PITPNC1: variants seen among roughly 807,000 people sequenced by gnomAD.
PITPNC1 encodes phosphatidylinositol transfer protein cytoplasmic 1.
In PITPNC1, 18 loss-of-function variants were observed where a neutral mutation model predicts 44.7. The observed-to-expected ratio is 0.40, with a 90% CI of 0.28 to 0.60. The LOEUF is 0.60. Among genes scored for constraint, PITPNC1 ranks in the 20% least tolerant of loss-of-function variants. The pLI, the probability that PITPNC1 is intolerant of heterozygous loss-of-function variation, is 0.39. For missense variants in PITPNC1, 290 were observed against 418.4 expected (o/e 0.69, Z 2.68); for synonymous variants, 141 against 149.6 (o/e 0.94, Z 0.42).
At chr17:67,438,606 G>T (rs997240305) in intron 1 of PITPNC1, among the ~76,000 whole-genome samples, 1 of 152,206 alleles carries the variant, frequency 6.6e-6, no homozygotes, top group East Asian at 1.9e-4. Flanking sequence ...GTGAGCCACC[G>T]TGCCCAGCTG....
intron 1 of PITPNC1, among the ~76,000 whole-genome samples, chr17:67,528,676 A>G (rs2040421521): frequency 6.6e-6 from 1 of 152,214 alleles, no homozygotes; most frequent in Admixed American, 6.5e-5. Flanking sequence ...GGCTGCCTTC[A>G]CCACGTTCTG....
chr17:67,618,360 G>A (rs1429689111), intron 5 of PITPNC1, among the ~76,000 whole-genome samples: 23 of 49,988 alleles, frequency 4.6e-4, no homozygotes, highest in African/African-American at 1.7e-3. Flanking sequence ...GCGAGACTCC[G>A]TCTCAAAAAA....
chr17:67,589,284 A>C, intron 5 of PITPNC1, among the ~76,000 whole-genome samples: 1 of 152,232 alleles, frequency 6.6e-6, no homozygotes, highest in East Asian at 1.9e-4. Flanking sequence ...TCAGAGGTAT[A>C]GTGACAACAC....
intron 7 of PITPNC1, among the ~76,000 whole-genome samples, chr17:67,670,753 A>G (rs1348623303): frequency 1.3e-5 from 2 of 149,966 alleles, no homozygotes; most frequent in Non-Finnish European, 3.0e-5. Flanking sequence ...TCCATCTCAA[A>G]AAAAAAAAAA....
chr17:67,520,483 A>G (rs2040310981), intron 1 of PITPNC1, among the ~76,000 whole-genome samples: 1 of 152,180 alleles, frequency 6.6e-6, no homozygotes, highest in Non-Finnish European at 1.5e-5. Context: ...TTCCTGGCAA[A>G]TCGTTTGAGA....
chr17:67,533,710 A>C (rs1022533190), intron 2 of PITPNC1, among the ~76,000 whole-genome samples: 1 of 152,230 alleles, frequency 6.6e-6, no homozygotes, highest in Admixed American at 6.5e-5. Context: ...ACCTGTGACC[A>C]AAGTGGTTAA....
intron 4 of PITPNC1, among the ~76,000 whole-genome samples, chr17:67,567,695 C>G (rs1407556906): frequency 6.6e-6 from 1 of 151,964 alleles, no homozygotes; most frequent in Admixed American, 6.6e-5. Flanking sequence ...GAAAACATGG[C>G]CGGGCGCAGT....
At chr17:67,673,639 C>A (rs977320897) in intron 7 of PITPNC1, among the ~76,000 whole-genome samples, 2 of 152,036 alleles carry the variant, frequency 1.3e-5, no homozygotes, top group Non-Finnish European at 2.9e-5. Context: ...TTGTATCTCA[C>A]ACATTCATTT....
intron 4 of PITPNC1, among the ~76,000 whole-genome samples, chr17:67,574,840 G>A (rs2041116711): frequency 6.6e-6 from 1 of 152,072 alleles, no homozygotes. Context: ...GACCCGCTTG[G>A]AGTTACCAGG....
intron 1 of PITPNC1, among the ~76,000 whole-genome samples, chr17:67,393,938 CT>C (rs1171876998): frequency 6.6e-6 from 1 of 152,002 alleles, no homozygotes; most frequent in Non-Finnish European, 1.5e-5. Flanking sequence ...GTAACATTTT[CT>C]TTTTTCTTCT....
At position 67,512,220 on chromosome 17, in the gene PITPNC1, C is replaced by T. The variant is rs115595400; in HGVS notation, c.49-20582C>T. On this transcript the variant is annotated intron_variant, in intron 1 of 8. Coordinates refer to ENST00000581322, the MANE Select transcript of PITPNC1 (RefSeq NM_012417.4). The stretch of plus-strand genomic sequence containing the variant: ...TCAAATGAAAACCGGATTTGGGGGC[C>T]GGGTGCAGTGGCTCACGCCTGTAAT... Among the ~76,000 whole-genome samples the T allele has an allele frequency of 8.9e-3, 1,353 of 152,216 alleles. 16 individuals carry two copies. Among genetic ancestry groups the T allele is most frequent in the African/African-American group, 0.031 (1,285 of 41,548 alleles).
chr17:67,509,745 C>T (rs1232653870), intron 1 of PITPNC1, among the ~76,000 whole-genome samples: 3 of 152,000 alleles, frequency 2.0e-5, no homozygotes, highest in Non-Finnish European at 4.4e-5. Flanking sequence ...GGAACATTCC[C>T]ACATACTTGG....
At chr17:67,588,163 C>T (rs2041346758) in intron 5 of PITPNC1, among the ~76,000 whole-genome samples, 1 of 152,078 alleles carries the variant, frequency 6.6e-6, no homozygotes, top group African/African-American at 2.4e-5. Flanking sequence ...GCCACCACAC[C>T]CAGCTAATGT....
Position 67,643,495 on chromosome 17 carries a change from G to A in PITPNC1, c.462+11257G>A, listed in dbSNP as rs59899947. 8.1e-3 allele frequency among the ~76,000 whole-genome samples: 1,231 copies of A among 152,330 alleles called. 21 individuals carry two copies. The highest frequency in any genetic ancestry group is 0.029 in the African/African-American group (1,193 of 41,574). On this transcript the variant is annotated intron_variant, in intron 6 of 8. Coordinates refer to ENST00000581322, the MANE Select transcript of PITPNC1 (RefSeq NM_012417.4). ...CATCCAAGCAAAACATTCATGGAAG[G>A]GAGAAACAGTTGGGCTTTTCATAGA... is the stretch of plus-strand genomic sequence containing the variant.
chr17:67,447,364 T>A, intron 1 of PITPNC1, among the ~76,000 whole-genome samples: 1 of 151,894 alleles, frequency 6.6e-6, no homozygotes, highest in Non-Finnish European at 1.5e-5. Flanking sequence ...GCAGTGGTTC[T>A]CCTGTCCAGC....
At chr17:67,661,316 T>C (rs2042344062) in intron 6 of PITPNC1, among the ~76,000 whole-genome samples, 1 of 152,116 alleles carries the variant, frequency 6.6e-6, no homozygotes, top group Non-Finnish European at 1.5e-5. Flanking sequence ...CAGACTCACT[T>C]ACTCCCTTCA....
chr17:67,495,369 G>A (rs936189382), intron 1 of PITPNC1, among the ~76,000 whole-genome samples: 1 of 152,040 alleles, frequency 6.6e-6, no homozygotes, highest in Non-Finnish European at 1.5e-5. Flanking sequence ...CTGAGCCACG[G>A]AGATCTTTTT....
At chr17:67,631,671 T>TATATATATA (rs1272988970) in intron 5 of PITPNC1, among the ~76,000 whole-genome samples, 1 of 69,668 alleles carries the variant, frequency 1.4e-5, no homozygotes, top group Admixed American at 2.2e-4. Flanking sequence ...TATATATATA[T>TATATATATA]AAAATATATA....
intron 1 of PITPNC1, among the ~76,000 whole-genome samples, chr17:67,479,930 A>G (rs1430175526): frequency 6.6e-6 from 1 of 152,240 alleles, no homozygotes; most frequent in Non-Finnish European, 1.5e-5. Context: ...AGAGTTGTAC[A>G]AGCAACAGAT....
Sources: allele counts gnomAD v4.1 joint callset (sites outside exome capture counted in the v4.1 genomes callset), GRCh38; gene constraint gnomAD v4.1.1; transcripts MANE v1.5; gene names NCBI Gene and HGNC (gene_info 2026-07-23, HGNC 2026-07-21).